DHODH: variants seen among roughly 807,000 people sequenced by gnomAD.
DHODH encodes dihydroorotate dehydrogenase (quinone), mitochondrial.
A neutral mutation model predicts 39.7 loss-of-function variants in DHODH; 30 were observed. The ratio of observed to expected loss-of-function variants is 0.76; its 90% CI spans 0.57 to 1.02. The LOEUF (loss-of-function observed/expected upper bound fraction) is 1.02, where lower values mean the gene tolerates loss of function less well. Among genes scored for constraint, DHODH ranks in the 50% least tolerant of loss-of-function variants. The pLI, the probability that DHODH is intolerant of heterozygous loss-of-function variation, is 0.00. For missense variants in DHODH, 531 were observed against 520.8 expected, an observed-to-expected ratio of 1.02 and a Z score of -0.19; for synonymous variants, 222 against 213.8, an observed-to-expected ratio of 1.04 and a Z score of -0.34.
intron 4 of DHODH, 52 bp downstream of exon 4, chr16:72,017,158 G>A (rs1348260194): frequency 6.4e-7 from 1 of 1,561,154 alleles, no homozygotes; most frequent in African/African-American, 1.4e-5. Context: ...GAGGAAACGT[G>A]GGAGAAATGC....
intron 4 of DHODH, among the ~76,000 whole-genome samples, chr16:72,017,368 A>G (rs1436474059): frequency 1.3e-5 from 2 of 152,180 alleles, no homozygotes; most frequent in African/African-American, 4.8e-5. Context: ...CCTGAAAGCA[A>G]GCGAAGCAAA....
Position 72,012,209 on chromosome 16 carries a change from T to C in DHODH, c.181T>C (p.Phe61Leu), listed in dbSNP as rs750116974. Residue 61 changes from phenylalanine to leucine, a missense_variant, in exon 2 of 9, where the codon TTC becomes CTC. Coordinates refer to ENST00000219240, the MANE Select transcript of DHODH (RefSeq NM_001361.5). ...PESAHRLAVR[F>L]TSLGLLPRAR... ...GTCAGCCCACAGACTGGCTGTTCGC[T>C]TCACCTCCCTGGGGCTCCTTCCACG... The C allele has an allele frequency of 3.7e-5, 60 of 1,613,948 alleles. No homozygotes were observed. Among genetic ancestry groups the C allele is most frequent in the Non-Finnish European group, 4.8e-5 (57 of 1,180,016 alleles).
intron 8 of DHODH, 113 bp downstream of exon 8, chr16:72,023,746 G>A (rs2041249874): frequency 1.4e-6 from 2 of 1,465,480 alleles, no homozygotes; most frequent in Admixed American, 3.6e-5. Flanking sequence ...AAGGAGTTGA[G>A]GGGTACACTC....
In DHODH at chr16:72,017,106, G is replaced by C. The variant is rs2041150482; in HGVS notation, c.517G>C (p.Asp173His). ...GCAGAAGCAGGCCAAGCTCACAGAAGGTAAAGTGGGGTTGTGTCAGTGGGC... is the reference window on the plus strand; with the variant it reads ...GCAGAAGCAGGCCAAGCTCACAGAACGTAAAGTGGGGTTGTGTCAGTGGGC... ...RQQKQAKLTE[D>H]GLPLGVNLGK... The change falls in exon 4 of 9, where the codon GAT (aspartate) becomes CAT (histidine). Residue 173 changes from aspartate to histidine, a missense_variant and splice_region_variant. By Grantham distance (81) the Asp-to-His change is moderately conservative. Transcript: ENST00000219240. 6.2e-7 allele frequency: 1 copy of C among 1,613,960 alleles called. No individual in the cohort carries two copies. Among genetic ancestry groups the C allele is most frequent in the Non-Finnish European group, 8.5e-7 (1 of 1,179,910 alleles).
At chr16:72,022,108 A>G (rs868499234) in intron 5 of DHODH, among the ~76,000 whole-genome samples, 11 of 151,952 alleles carry the variant, frequency 7.2e-5, no homozygotes, top group South Asian at 4.1e-4. Context: ...AAAAAAAAAA[A>G]AAAAGAAAAG....
rs764777207 is a variant in DHODH at position 72,024,133 on chromosome 16, C to T, written c.1134-12C>T. ...CTGTTTGCTGAAATTGCTTTGTTTG[C>T]TCTTTTTCCAGAGAGCAGGGCTTTG... On this transcript the variant is annotated splice_polypyrimidine_tract_variant and intron_variant, in intron 8 of 8. Transcript: ENST00000219240. 2.5e-6 allele frequency: 4 copies of T among 1,614,162 alleles called. No homozygotes were observed. Among genetic ancestry groups the T allele is most frequent in the South Asian group, 1.1e-5 (1 of 91,084 alleles).
rs772635278 is a variant in DHODH, at chr16:72,023,178, G to A, written c.833G>A (p.Gly278Glu). The A allele has an allele frequency of 7.4e-6, 12 of 1,614,022 alleles. No homozygotes were observed. The highest frequency in any genetic ancestry group is 1.0e-5 in the Non-Finnish European group (12 of 1,180,034). The change falls in exon 7 of 9, where the codon GGG (glycine) becomes GAG (glutamate). Residue 278 changes from glycine to glutamate, a missense_variant. Gly to Glu is a moderately conservative substitution (Grantham distance 98). Coordinates refer to ENST00000219240, the MANE Select transcript of DHODH (RefSeq NM_001361.5). ...ASVVKELGID[G>E]LIVTNTTVSR... Reference sequence around the variant, plus strand: ...CTCGCACTGCAGTTGGGCATCGATGGGCTGATTGTTACGAACACCACCGTG... The same window carrying A: ...CTCGCACTGCAGTTGGGCATCGATGAGCTGATTGTTACGAACACCACCGTG...
At chr16:72,017,793 C>T (rs1350671778) in intron 4 of DHODH, among the ~76,000 whole-genome samples, 3 of 43,530 alleles carry the variant, frequency 6.9e-5, no homozygotes, top group Non-Finnish European at 1.2e-4. Context: ...TTTTTTGAGA[C>T]GGAGTCTCGC....
intron 6 of DHODH, among the ~76,000 whole-genome samples, 172 bp downstream of exon 6, chr16:72,022,647 A>C (rs2041233615): frequency 6.6e-6 from 1 of 152,156 alleles, no homozygotes; most frequent in Non-Finnish European, 1.5e-5. Flanking sequence ...CGAATGTTGG[A>C]ATAAGTGCTT....
At chr16:72,018,311 A>C (rs1292237150) in intron 4 of DHODH, among the ~76,000 whole-genome samples, 2 of 152,190 alleles carry the variant, frequency 1.3e-5, no homozygotes, top group African/African-American at 4.8e-5. Flanking sequence ...AGCAGGATGA[A>C]GAAACCAATG....
chr16:72,023,527 G>A lies in DHODH; in HGVS notation c.1027G>A (p.Glu343Lys). 6.2e-7 allele frequency: 1 copy of A among 1,614,134 alleles called. No homozygotes were observed. The highest frequency in any genetic ancestry group is 8.5e-7 in the Non-Finnish European group (1 of 1,180,042). The change falls in exon 8 of 9, where the codon GAG becomes AAG. Residue 343 changes from glutamate to lysine, a missense_variant. By Grantham distance (56) the Glu-to-Lys change is moderately conservative (BLOSUM62 1). Coordinates refer to ENST00000219240, the MANE Select transcript of DHODH (RefSeq NM_001361.5). ...TGTGAGCAGCGGGCAGGACGCGCTG[G>A]AGAAGATCCGGGCAGGGGCCTCCCT... ...GGVSSGQDAL[E>K]KIRAGASLVQ... is the part of the protein sequence containing the mutation.
intron 3 of DHODH, 109 bp from the exon 4 acceptor site, chr16:72,016,915 G>A: frequency 1.0e-6 from 1 of 1,003,344 alleles, no homozygotes; most frequent in South Asian, 1.3e-5. Flanking sequence ...GGAAGTGTAA[G>A]AACTGACTGT....
chr16:72,011,863 TGAA>T (rs199731139), intron 1 of DHODH, among the ~76,000 whole-genome samples, 184 bp from the exon 2 acceptor site: 6,026 of 152,196 alleles, frequency 0.04, 198 homozygotes, highest in Middle Eastern at 0.055. Context: ...CTTTAGGGCC[TGAA>T]GAAGGTGTGT....
At chr16:72,017,243 A>G (rs933594229) in intron 4 of DHODH, 137 bp downstream of exon 4, 3 of 886,622 alleles carry the variant, frequency 3.4e-6, no homozygotes, top group Middle Eastern at 2.2e-4. Context: ...CACCTCTCCT[A>G]GAGCGATTTT....
intron 2 of DHODH, among the ~76,000 whole-genome samples, chr16:72,013,376 G>T (rs752316487): frequency 1.1e-4 from 17 of 152,118 alleles, no homozygotes; most frequent in Non-Finnish European, 2.5e-4. Flanking sequence ...GGAAGTGCGG[G>T]GTGCCTGAGG....
intron 2 of DHODH, among the ~76,000 whole-genome samples, 173 bp downstream of exon 2, chr16:72,012,435 T>C (rs1288675173): frequency 5.9e-5 from 9 of 152,336 alleles, no homozygotes; most frequent in Non-Finnish European, 1.2e-4. Flanking sequence ...ACGATGATTA[T>C]CTATTACGTA....
At chr16:72,020,331 A>ATATATATATATATATATGTG (rs1473276727) in intron 4 of DHODH, 3 of 26,098 alleles carry the variant, frequency 1.1e-4, no homozygotes, top group African/African-American at 2.3e-4. Context: ...GTATATGTGT[A>ATATATATATATATATATGTG]TATATATATA....
chr16:72,015,636 T>A, intron 3 of DHODH: 1 of 956,476 alleles, frequency 1.0e-6, no homozygotes, highest in Non-Finnish European at 1.2e-6. Flanking sequence ...TTCAGGGAAA[T>A]TCTCCAGCAT....
At chr16:72,009,055 AG>A (rs1350053957) in intron 1 of DHODH, 1 of 1,401,140 alleles carries the variant, frequency 7.1e-7, no homozygotes, top group Non-Finnish European at 9.3e-7. Flanking sequence ...AGCCTGGCAC[AG>A]GGGTGCTTAG....
Sources: gnomAD v4.1 joint callset for allele counts (sites outside exome capture counted in the v4.1 genomes callset) on GRCh38, gnomAD v4.1.1 for gene constraint, MANE v1.5 for transcripts, NCBI Gene and HGNC (gene_info 2026-07-23, HGNC 2026-07-21) for gene names.